RETREG1: variants seen among roughly 807,000 people sequenced by gnomAD.
RETREG1 encodes family with sequence similarity 134 member B.
A neutral mutation model predicts 54.8 loss-of-function variants in RETREG1; 44 were observed. The ratio of observed to expected loss-of-function variants is 0.80; its 90% CI spans 0.63 to 1.03. The LOEUF (loss-of-function observed/expected upper bound fraction) is 1.03, where lower values mean the gene tolerates loss of function less well. Among genes scored for constraint, RETREG1 ranks in the 50% least tolerant of loss-of-function variants. The pLI, the probability that RETREG1 is intolerant of heterozygous loss-of-function variation, is 0.00. For missense variants in RETREG1, 554 were observed against 605.1 expected, an observed-to-expected ratio of 0.92 and a Z score of 0.89; for synonymous variants, 217 against 238.5, an observed-to-expected ratio of 0.91 and a Z score of 0.83.
chr5:16,521,225 C>A (rs1034787793), intron 3 of RETREG1, among the ~76,000 whole-genome samples: 1 of 152,158 alleles, frequency 6.6e-6, no homozygotes, highest in Non-Finnish European at 1.5e-5. Context: ...TGCTATCTCT[C>A]TTCCTTCCCA....
chr5:16,522,058 C>T (rs1740549088), intron 3 of RETREG1, among the ~76,000 whole-genome samples: 1 of 151,786 alleles, frequency 6.6e-6, no homozygotes, highest in Admixed American at 6.6e-5. Flanking sequence ...GAGAGATTGC[C>T]TCAGACACTG....
At chr5:16,503,985 C>T (rs573267452) in intron 3 of RETREG1, among the ~76,000 whole-genome samples, 119 of 152,238 alleles carry the variant, frequency 7.8e-4, no homozygotes, top group African/African-American at 2.7e-3. Context: ...TGGTCTGCTA[C>T]ACCTATCAAC....
intron 2 of RETREG1, among the ~76,000 whole-genome samples, chr5:16,569,709 C>A (rs890772251): frequency 1.3e-5 from 2 of 152,154 alleles, no homozygotes; most frequent in Non-Finnish European, 2.9e-5. Context: ...AAGTCACAAT[C>A]CCTGGAATCC....
chr5:16,475,079 G>A lies in RETREG1; in HGVS notation c.1156C>T (p.Pro386Ser), dbSNP rs1427260133. 3 of 1,613,922 alleles carry A rather than the reference G, an allele frequency of 1.9e-6. No homozygotes were observed. Among genetic ancestry groups the A allele is most frequent in the Non-Finnish European group, 2.5e-6 (3 of 1,179,932 alleles). The change falls in exon 9 of 9, where the codon CCA (proline) becomes TCA (serine). Residue 386 changes from proline to serine, a missense_variant. Transcript: ENST00000306320. ...GCTGCTGATTGCGTCTCTTTGCTTGGTCTGTGACCACTGTCCAACTGTTCC... is the reference window on the plus strand; with the variant it reads ...GCTGCTGATTGCGTCTCTTTGCTTGATCTGTGACCACTGTCCAACTGTTCC... ...KKEQLDSGHR[P>S]SKETQSAAGL...
intron 3 of RETREG1, among the ~76,000 whole-genome samples, chr5:16,542,188 G>T (rs1741269684): frequency 6.6e-6 from 1 of 152,156 alleles, no homozygotes; most frequent in Non-Finnish European, 1.5e-5. Flanking sequence ...CTCATCTCAG[G>T]CCCCTCTGCG....
Position 16,491,357 on chromosome 5 carries a change from A to G in RETREG1, c.459-7885T>C, listed in dbSNP as rs79774632. 7.9e-5 allele frequency among the ~76,000 whole-genome samples: 12 copies of G among 152,340 alleles called. 1 individual carries two copies. The East Asian group carries it at 2.3e-3, about 29-fold the overall frequency. ...ATGACATTTGTAACACTGACTCCCTATGAGACTTTAAATCCCATGAAGGAA... is the reference window on the plus strand; with the variant it reads ...ATGACATTTGTAACACTGACTCCCTGTGAGACTTTAAATCCCATGAAGGAA... On this transcript the variant is annotated intron_variant, in intron 3 of 8. Transcript: ENST00000306320.
In RETREG1 at chr5:16,594,447, G is replaced by A. The variant is rs140808382; in HGVS notation, c.320+22205C>T. ...ACGCTTAACATAGCATTTTTCAGTT[G>A]GGCGTGGTGGCTCACACCTATAATC... On this transcript the variant is annotated intron_variant, in intron 1 of 8. Coordinates refer to ENST00000306320, the MANE Select transcript of RETREG1 (RefSeq NM_001034850.3). This position sits in a 1 kb window ranked among gnomAD's most constrained non-coding sequence, Gnocchi z 4.4. 4.6e-4 allele frequency among the ~76,000 whole-genome samples: 70 copies of A among 152,238 alleles called. No individual in the cohort carries two copies. Among genetic ancestry groups the A allele is most frequent in the African/African-American group, 1.5e-3 (62 of 41,548 alleles).
rs79491010 is a variant in RETREG1 at position 16,528,559 on chromosome 5, G to A, written c.458+37204C>T. Reference sequence around the variant, plus strand: ...AGATTAGGGGGCCAAGGAGGAGTGAGACCTGTCCCAGGTGATAGCAGGGGG... The same window carrying A: ...AGATTAGGGGGCCAAGGAGGAGTGAAACCTGTCCCAGGTGATAGCAGGGGG... On this transcript the variant is annotated intron_variant, in intron 3 of 8. Coordinates refer to ENST00000306320, the MANE Select transcript of RETREG1 (RefSeq NM_001034850.3). Among the ~76,000 whole-genome samples, 530 of 152,262 alleles carry A rather than the reference G, an allele frequency of 3.5e-3. 4 individuals carry two copies. Among genetic ancestry groups the A allele is most frequent in the African/African-American group, 0.012 (489 of 41,544 alleles).
chr5:16,481,153 C>T lies in RETREG1; in HGVS notation c.586-60G>A, dbSNP rs534942175. On this transcript the variant is annotated intron_variant, in intron 4 of 8. Transcript: ENST00000306320. The stretch of plus-strand genomic sequence containing the variant: ...CATAACACCAAGATATTTCGGAGCA[C>T]AGGATACACACACAATTGTAAATCT... The T allele has an allele frequency of 4.2e-5, 48 of 1,148,898 alleles. No individual in the cohort carries two copies. The East Asian group carries it at 5.9e-4, about 14-fold the overall frequency. The allele number at this position is 1,148,898 out of a possible 1,614,324, so 71.2% of individuals were successfully genotyped here. A position where few individuals can be genotyped will look rare whatever the true frequency, so the allele number is the denominator to read the frequency against.
At chr5:16,595,501 G>C (rs1025983338) in intron 1 of RETREG1, among the ~76,000 whole-genome samples, 2 of 152,148 alleles carry the variant, frequency 1.3e-5, no homozygotes, top group African/African-American at 4.8e-5. Context: ...GTAATAACTT[G>C]TTAGTTACGA....
intron 3 of RETREG1, among the ~76,000 whole-genome samples, chr5:16,536,905 G>A (rs1741089183): frequency 6.6e-6 from 1 of 152,118 alleles, no homozygotes; most frequent in Admixed American, 6.6e-5. Context: ...ATACTCCAAG[G>A]CCAAGGGTGG....
Position 16,582,852 on chromosome 5 carries a change from G to A in RETREG1, c.321-10750C>T, listed in dbSNP as rs544036752. Reference sequence around the variant, plus strand: ...AAAGATGCCCATCAGGGAAAATGACGGGCTGTCAAAATAATTTACTCTTGG... The same window carrying A: ...AAAGATGCCCATCAGGGAAAATGACAGGCTGTCAAAATAATTTACTCTTGG... On this transcript the variant is annotated intron_variant, in intron 1 of 8. Transcript: ENST00000306320. Among the ~76,000 whole-genome samples the A allele has an allele frequency of 1.6e-3, 247 of 152,274 alleles. 2 individuals carry two copies. Among genetic ancestry groups the A allele is most frequent in the African/African-American group, 5.8e-3 (239 of 41,564 alleles).
intron 3 of RETREG1, among the ~76,000 whole-genome samples, chr5:16,533,447 C>T (rs1212733658): frequency 6.6e-6 from 1 of 152,160 alleles, no homozygotes; most frequent in African/African-American, 2.4e-5. Flanking sequence ...GGAGAAATGC[C>T]ATATTTTAAG....
At chr5:16,579,241 TTCAGGAAGG>T (rs1742419709) in intron 1 of RETREG1, among the ~76,000 whole-genome samples, 1 of 152,162 alleles carries the variant, frequency 6.6e-6, no homozygotes, top group Non-Finnish European at 1.5e-5. Context: ...CCTGTATCCC[TTCAGGAAGG>T]GATCGTCATT....
At chr5:16,475,606 T>G (rs1738505499) in intron 8 of RETREG1, among the ~76,000 whole-genome samples, 2 of 152,224 alleles carry the variant, frequency 1.3e-5, no homozygotes, top group East Asian at 1.9e-4. Context: ...CTTAAGCCAA[T>G]GAGTACACAT....
chr5:16,500,925 C>A (rs1383893078), intron 3 of RETREG1, among the ~76,000 whole-genome samples: 2 of 152,082 alleles, frequency 1.3e-5, no homozygotes, highest in Non-Finnish European at 1.5e-5. Flanking sequence ...ACTTTGCACA[C>A]CCCCTAGAGG....
intron 8 of RETREG1, among the ~76,000 whole-genome samples, chr5:16,476,523 G>A (rs1738542720): frequency 6.6e-6 from 1 of 152,054 alleles, no homozygotes; most frequent in Admixed American, 6.5e-5. Context: ...AGAATATACT[G>A]GATAAAGAAA....
chr5:16,506,477 GTT>G lies in RETREG1; in HGVS notation c.459-23007_459-23006del, dbSNP rs34135867. 2.7e-3 allele frequency among the ~76,000 whole-genome samples: 397 copies of G among 144,492 alleles called. 2 individuals carry two copies. Among genetic ancestry groups the G allele is most frequent in the Middle Eastern group, 0.011 (3 of 274 alleles). The allele number at this position is 144,492 out of a possible 152,430, so 94.8% of individuals were successfully genotyped here. A position where few individuals can be genotyped will look rare whatever the true frequency, so the allele number is the denominator to read the frequency against. On this transcript the variant is annotated intron_variant, in intron 3 of 8. Transcript: ENST00000306320. ...TCCATTGCAATCTTTTTGTTTTTTTGTTTTTTTTTTTTTTGAGACAGGGTCTT... is the reference window on the plus strand; with the variant it reads ...TCCATTGCAATCTTTTTGTTTTTTTGTTTTTTTTTTTTGAGACAGGGTCTT...
At chr5:16,475,788 G>A (rs1038899989) in intron 8 of RETREG1, among the ~76,000 whole-genome samples, 4 of 152,128 alleles carry the variant, frequency 2.6e-5, no homozygotes, top group African/African-American at 9.7e-5. Context: ...AGAGTTTATG[G>A]AAACATTTGG....
Sources: allele counts gnomAD v4.1 joint callset (sites outside exome capture counted in the v4.1 genomes callset), GRCh38; gene constraint gnomAD v4.1.1; non-coding constraint Gnocchi (gnomAD v3.1); transcripts MANE v1.5; gene names NCBI Gene and HGNC (gene_info 2026-07-23, HGNC 2026-07-21).